The following GRAMD4 variants were observed in gnomAD, a reference collection of about 807,000 sequenced individuals.
GRAMD4 encodes GRAM domain-containing protein 4.
GRAMD4 carries 25 observed loss-of-function variants against 83.9 expected under a neutral mutation model. That is an observed-to-expected ratio of 0.30 (90% CI 0.22 to 0.42). The LOEUF is 0.42. GRAMD4 is among the 10% of genes least tolerant of loss of function. The pLI, the probability that GRAMD4 is intolerant of heterozygous loss-of-function variation, is 1.00. For synonymous variants in GRAMD4, 336 were observed against 320.9 expected, an observed-to-expected ratio of 1.05 and a Z score of -0.50; for missense variants, 593 against 788.7, an observed-to-expected ratio of 0.75 and a Z score of 2.97.
chr22:46,599,542 G>A (rs781307071), intron 1 of GRAMD4, among the ~76,000 whole-genome samples: 1 of 151,994 alleles, frequency 6.6e-6, no homozygotes, highest in South Asian at 2.1e-4. Context: ...GGCCAGGCTG[G>A]TCTTGAACTC....
intron 13 of GRAMD4, chr22:46,671,014 T>C (rs1222573007): frequency 2.3e-6 from 1 of 428,302 alleles, no homozygotes; most frequent in South Asian, 1.6e-5. Flanking sequence ...CAAGATGGCA[T>C]TCCTGGCTTA....
upstream of GRAMD4, among the ~76,000 whole-genome samples, chr22:46,619,596 C>T (rs532767158): frequency 1.3e-5 from 2 of 152,256 alleles, no homozygotes; most frequent in African/African-American, 2.4e-5. Context: ...GCCTGGCTGG[C>T]GATGGGGTAT....
At position 46,677,309 on chromosome 22, in the gene GRAMD4, T is replaced by C. The variant is rs1251437089; in HGVS notation, c.*58T>C. 3.2e-6 allele frequency: 5 copies of C among 1,542,132 alleles called. No homozygotes were observed. The highest frequency in any genetic ancestry group is 1.7e-4 in the Middle Eastern group (1 of 5,838). On this transcript the variant is annotated 3_prime_UTR_variant, in exon 19 of 19. Coordinates refer to ENST00000406902, the MANE Select transcript of GRAMD4 (RefSeq NM_015124.5). Reference sequence around the variant, plus strand: ...CTTTTTCTTTTTCTTTTTCTTTTTTTTTTTTTACGATTTGGTAGTGGAAAC... The same window carrying C: ...CTTTTTCTTTTTCTTTTTCTTTTTTCTTTTTTACGATTTGGTAGTGGAAAC...
chr22:46,588,625 TG>T (rs1328697783), intron 1 of GRAMD4, among the ~76,000 whole-genome samples: 3 of 152,180 alleles, frequency 2.0e-5, no homozygotes, highest in Admixed American at 2.0e-4. Context: ...TGTTCCTGGC[TG>T]GGGGGCAGGG....
At chr22:46,584,489 A>G (rs1489773654) in intron 1 of GRAMD4, among the ~76,000 whole-genome samples, 1 of 152,064 alleles carries the variant, frequency 6.6e-6, no homozygotes, top group Non-Finnish European at 1.5e-5. Flanking sequence ...CCTTTCTTGC[A>G]GATCAATTCG....
At position 46,602,617 on chromosome 22, in the gene GRAMD4, G is replaced by A. The variant is rs551332722; in HGVS notation, c.-49-24134G>A. Among the ~76,000 whole-genome samples, 9 of 151,852 alleles carry A rather than the reference G, an allele frequency of 5.9e-5. No homozygotes were observed. In the South Asian group the frequency reaches 6.3e-4, roughly 11 times the overall value. ...GTCGAGACTGCGGTGAGCTGTGATC[G>A]TACCACTGCACTCCAGCCTGGGTGA... On this transcript the variant is annotated intron_variant, in intron 1 of 1. Coordinates refer to the GRAMD4 transcript ENST00000431155.
intron 1 of GRAMD4, among the ~76,000 whole-genome samples, chr22:46,578,175 T>A (rs2081063864): frequency 6.6e-6 from 1 of 152,184 alleles, no homozygotes; most frequent in Non-Finnish European, 1.5e-5. Context: ...TTTTGCAGGA[T>A]GGGGTTCCCT....
In GRAMD4 at chr22:46,640,468, C is replaced by T. The variant is rs143284201; in HGVS notation, c.283+2508C>T. On this transcript the variant is annotated intron_variant, in intron 3 of 18. Coordinates refer to ENST00000406902, the MANE Select transcript of GRAMD4 (RefSeq NM_015124.5). ...ACCCACAGGGCTGCCTCTCTGGGGC[C>T]GAGCAGATCCCGGAGGAAATGAGGC... is the stretch of plus-strand genomic sequence containing the variant. Among the ~76,000 whole-genome samples the T allele has an allele frequency of 3.3e-3, 497 of 152,174 alleles. 5 individuals carry two copies. Among genetic ancestry groups the T allele is most frequent in the African/African-American group, 9.9e-3 (409 of 41,508 alleles).
chr22:46,610,623 C>G (rs73888581), intron 1 of GRAMD4, among the ~76,000 whole-genome samples: 3,912 of 152,308 alleles, frequency 0.026, 181 homozygotes, highest in African/African-American at 0.09. Flanking sequence ...TGGGGAACAG[C>G]CTGCTTTCAG....
At chr22:46,670,433 C>G (rs2082484490) in intron 13 of GRAMD4, among the ~76,000 whole-genome samples, 1 of 152,210 alleles carries the variant, frequency 6.6e-6, no homozygotes, top group Admixed American at 6.5e-5. Flanking sequence ...ACTCTAGGCT[C>G]ATGAATGGGT....
chr22:46,677,377 C>T lies in GRAMD4; in HGVS notation c.*126C>T. ...AGCTTTTGCAATAATTCTCCTGGACCTGTGGTTCTATTGTGTTGACCTCTG... is the reference window on the plus strand; with the variant it reads ...AGCTTTTGCAATAATTCTCCTGGACTTGTGGTTCTATTGTGTTGACCTCTG... On this transcript the variant is annotated 3_prime_UTR_variant, in exon 19 of 19. Coordinates refer to ENST00000406902, the MANE Select transcript of GRAMD4 (RefSeq NM_015124.5). 6.9e-7 allele frequency: 1 copy of T among 1,440,306 alleles called. No individual in the cohort carries two copies. Among genetic ancestry groups the T allele is most frequent in the East Asian group, 2.5e-5 (1 of 40,012 alleles). 89.2% of individuals were successfully genotyped at this position (1,440,306 alleles called of 1,614,324 possible).
At position 46,673,799 on chromosome 22, in the gene GRAMD4, G is replaced by A; in HGVS notation, c.1369G>A (p.Glu457Lys). 1.2e-6 allele frequency: 2 copies of A among 1,613,060 alleles called. No homozygotes were observed. Among genetic ancestry groups the A allele is most frequent in the Non-Finnish European group, 1.7e-6 (2 of 1,179,970 alleles). ...FHEIFNLTEN[E>K]RPLAVCENGW... ...CGAGATCTTCAATCTGACAGAAAAC[G>A]AGCGTCCGCTGGCGGGTATGTGTGC... is the stretch of plus-strand genomic sequence containing the variant. The change falls in exon 15 of 19, where the codon GAG becomes AAG. Residue 457 changes from glutamate (E) to lysine (K), a missense_variant. This residue lies in a region of GRAMD4 where 171 missense variants were observed against 199.6 expected (regional missense o/e 0.86). Coordinates refer to ENST00000406902, the MANE Select transcript of GRAMD4 (RefSeq NM_015124.5).
chr22:46,636,971 G>T (rs1040507108), intron 2 of GRAMD4, among the ~76,000 whole-genome samples: 9 of 152,208 alleles, frequency 5.9e-5, no homozygotes, highest in Non-Finnish European at 8.8e-5. Context: ...GCTCACTGGG[G>T]CTGTGAGCCG....
chr22:46,611,954 A>ACC (rs2081421250), intron 1 of GRAMD4, among the ~76,000 whole-genome samples: 1 of 133,636 alleles, frequency 7.5e-6, no homozygotes, highest in South Asian at 2.5e-4. Context: ...CCGAGATTAC[A>ACC]CCACTGCATT....
chr22:46,582,486 C>T (rs1569243443), intron 1 of GRAMD4, among the ~76,000 whole-genome samples: 1 of 152,156 alleles, frequency 6.6e-6, no homozygotes, highest in Non-Finnish European at 1.5e-5. Context: ...TCTCCTCTTC[C>T]TGAGGTTCTT....
At chr22:46,625,367 C>A (rs879803198) in intron 1 of GRAMD4, among the ~76,000 whole-genome samples, 4 of 152,164 alleles carry the variant, frequency 2.6e-5, no homozygotes, top group African/African-American at 9.7e-5. Flanking sequence ...GCTTTGGGGG[C>A]GGGGCAGGCA....
intron 9 of GRAMD4, 38 bp downstream of exon 9, chr22:46,665,744 C>T (rs16995535): frequency 0.014 from 14,874 of 1,053,094 alleles, 576 homozygotes; most frequent in African/African-American, 0.082. Context: ...TTTATCCCAC[C>T]GCATGTATGG....
intron 1 of GRAMD4, among the ~76,000 whole-genome samples, chr22:46,597,557 C>T (rs557289212): frequency 5.1e-4 from 77 of 152,082 alleles, no homozygotes; most frequent in African/African-American, 1.6e-3. Context: ...TGGCGCGATC[C>T]CGGCTCACTG....
chr22:46,608,040 G>A (rs1053062470), intron 1 of GRAMD4, among the ~76,000 whole-genome samples: 4 of 152,212 alleles, frequency 2.6e-5, no homozygotes, highest in African/African-American at 7.2e-5. Flanking sequence ...TTGCGCTGAG[G>A]GTCCTGTCGG....
Sources: allele counts gnomAD v4.1 joint callset (sites outside exome capture counted in the v4.1 genomes callset), GRCh38; gene constraint gnomAD v4.1.1; regional missense constraint gnomAD v4.1.1; transcripts MANE v1.5; gene names NCBI Gene and HGNC (gene_info 2026-07-23, HGNC 2026-07-21).